The following LPAR1 variants were observed in gnomAD, a reference collection of about 807,000 sequenced individuals.
The protein encoded by LPAR1 is LPA receptor 1.
A neutral mutation model predicts 23.8 loss-of-function variants in LPAR1; 5 were observed. The ratio of observed to expected loss-of-function variants is 0.21; its 90% CI spans 0.11 to 0.44. The LOEUF (loss-of-function observed/expected upper bound fraction) is 0.44, where lower values mean the gene tolerates loss of function less well. LPAR1 is among the 20% of genes least tolerant of loss of function. LPAR1 has a pLI of 0.99. For synonymous variants in LPAR1, 160 were observed against 164.7 expected, an observed-to-expected ratio of 0.97 and a Z score of 0.22; for missense variants, 311 against 482.8, an observed-to-expected ratio of 0.64 and a Z score of 3.33.
chr9:110,970,477 G>A (rs2096381058), intron 4 of LPAR1, among the ~76,000 whole-genome samples: 2 of 152,100 alleles, frequency 1.3e-5, no homozygotes, highest in Non-Finnish European at 2.9e-5. Context: ...TGCGTATGAC[G>A]ATGGTAACAC....
rs534137307 is a variant in LPAR1 at position 110,874,118 on chromosome 9, A to G, written c.*1303T>C. The G allele has an allele frequency of 3.7e-4, 57 of 152,774 alleles. No individual in the cohort carries two copies. The highest frequency in any genetic ancestry group is 1.3e-3 in the African/African-American group (56 of 41,572). The allele number at this position is 152,774 out of a possible 1,614,324, so 9.5% of individuals were successfully genotyped here. On this transcript the variant is annotated 3_prime_UTR_variant, in exon 6 of 6. Coordinates refer to ENST00000683809, the MANE Select transcript of LPAR1 (RefSeq NM_001351411.2). ...AGATGACATTTCACATTTTTTTAAA[A>G]AAAGAATCCTTCATGGGAATATATC...
chr9:110,876,767 T>C (rs2079201932), intron 5 of LPAR1, among the ~76,000 whole-genome samples: 1 of 152,256 alleles, frequency 6.6e-6, no homozygotes, highest in Non-Finnish European at 1.5e-5. Flanking sequence ...ATTACAATTT[T>C]ACTATAACTG....
intron 5 of LPAR1, among the ~76,000 whole-genome samples, chr9:110,912,679 A>G (rs1270359256): frequency 6.6e-6 from 1 of 152,170 alleles, no homozygotes; most frequent in Non-Finnish European, 1.5e-5. Flanking sequence ...ATTGAAATAT[A>G]GCCATAAATT....
chr9:110,998,287 G>A (rs886250164), intron 2 of LPAR1, among the ~76,000 whole-genome samples: 16 of 152,152 alleles, frequency 1.1e-4, no homozygotes, highest in Admixed American at 1.0e-3. Context: ...ATTAGAAAAA[G>A]TTTTAAGTGC....
intron 3 of LPAR1, among the ~76,000 whole-genome samples, chr9:110,972,477 C>A (rs553232605): frequency 9.9e-5 from 15 of 152,242 alleles, no homozygotes; most frequent in Admixed American, 6.5e-4. Context: ...AAGACAGTTT[C>A]AAGTTGCAGA....
chr9:111,019,321 T>C (rs1588889404), intron 2 of LPAR1, among the ~76,000 whole-genome samples: 1 of 152,116 alleles, frequency 6.6e-6, no homozygotes, highest in Admixed American at 6.5e-5. Flanking sequence ...TAGAGATATA[T>C]TTTAAAAGAT....
At chr9:110,942,626 T>C (rs1423767890) in intron 4 of LPAR1, among the ~76,000 whole-genome samples, 1 of 152,240 alleles carries the variant, frequency 6.6e-6, no homozygotes, top group East Asian at 1.9e-4. Context: ...ACACAGTATG[T>C]TCCATGTGGG....
intron 1 of LPAR1, among the ~76,000 whole-genome samples, 176 bp from the exon 2 acceptor site, chr9:111,036,377 G>GAA (rs34393299): frequency 4.9e-5 from 6 of 122,188 alleles, no homozygotes; most frequent in South Asian, 2.6e-4. Flanking sequence ...TTGAGGAAAG[G>GAA]AAAAAAAAAA....
chr9:110,957,996 A>G (rs2095819772), intron 4 of LPAR1, among the ~76,000 whole-genome samples: 1 of 152,200 alleles, frequency 6.6e-6, no homozygotes, highest in South Asian at 2.1e-4. Context: ...ACAAAAATAA[A>G]ATAAAATACC....
intron 5 of LPAR1, among the ~76,000 whole-genome samples, chr9:110,923,337 G>A (rs1330060183): frequency 1.3e-5 from 2 of 152,104 alleles, no homozygotes; most frequent in Non-Finnish European, 2.9e-5. Context: ...TTGACTTTAT[G>A]ACAGTGTAAA....
At chr9:110,957,696 C>G (rs1426805353) in intron 4 of LPAR1, among the ~76,000 whole-genome samples, 1 of 152,156 alleles carries the variant, frequency 6.6e-6, no homozygotes, top group Non-Finnish European at 1.5e-5. Context: ...TGCCCACTTT[C>G]ACCACTCCTA....
intron 4 of LPAR1, among the ~76,000 whole-genome samples, chr9:110,962,786 T>C (rs922564113): frequency 6.6e-6 from 1 of 152,154 alleles, no homozygotes; most frequent in African/African-American, 2.4e-5. Flanking sequence ...TTAAGTGATG[T>C]TATGCAATTA....
intron 5 of LPAR1, among the ~76,000 whole-genome samples, chr9:110,925,361 T>C (rs1323055570): frequency 6.6e-6 from 1 of 152,086 alleles, no homozygotes; most frequent in East Asian, 1.9e-4. Context: ...AAACCACTTA[T>C]CATTGCTCCC....
At chr9:110,892,767 GGGAA>G (rs757546909) in intron 5 of LPAR1, among the ~76,000 whole-genome samples, 1,070 of 97,284 alleles carry the variant, frequency 0.011, 21 homozygotes, top group Non-Finnish European at 0.012. Flanking sequence ...AGGGGAGGAA[GGGAA>G]GGAAGGAAGG....
intron 4 of LPAR1, among the ~76,000 whole-genome samples, chr9:110,965,840 A>G (rs1054662843): frequency 6.6e-6 from 1 of 152,244 alleles, no homozygotes; most frequent in Non-Finnish European, 1.5e-5. Flanking sequence ...TTATTGTAGC[A>G]CTATATTTAC....
rs1326086748 is a variant in LPAR1 at position 111,005,505 on chromosome 9, A to AC, written c.-182+30616dup. Reference sequence around the variant, plus strand: ...GGAGGTTGCAGTATACTGTGATGGCACCACTGTACTCCAGCCTGAGCAACG... The same window carrying AC: ...GGAGGTTGCAGTATACTGTGATGGCACCCACTGTACTCCAGCCTGAGCAACG... On this transcript the variant is annotated intron_variant, in intron 2 of 5. Transcript: ENST00000683809. Among the ~76,000 whole-genome samples, 4 of 134,310 alleles carry AC rather than the reference A, an allele frequency of 3.0e-5. No homozygotes were observed. In the Admixed American group the frequency reaches 3.5e-4, roughly 12 times the overall value. 88.1% of individuals were successfully genotyped at this position (134,310 alleles called of 152,430 possible).
chr9:110,878,379 T>C (rs961572302), intron 5 of LPAR1, among the ~76,000 whole-genome samples: 2 of 152,146 alleles, frequency 1.3e-5, no homozygotes, highest in African/African-American at 4.8e-5. Context: ...TTGTAAGGGA[T>C]GAGGTTCCTA....
In LPAR1 at chr9:110,875,512, G is replaced by A. The variant is rs753749260; in HGVS notation, c.1004C>T (p.Thr335Ile). The A allele has an allele frequency of 6.2e-7, 1 of 1,614,118 alleles. No homozygotes were observed. Residue 335 changes from threonine to isoleucine, a missense_variant, in exon 6 of 6, where the codon ACC becomes ATC. Transcript: ENST00000683809. Reference sequence around the variant, plus strand: ...GCGGTCTGAGCCTTCTGTGGGGCCGGTGGGGTTCTCACTGCGCTGGCAGCA... The same window carrying A: ...GCGGTCTGAGCCTTCTGTGGGGCCGATGGGGTTCTCACTGCGCTGGCAGCA... ...ILCCQRSENP[T>I]GPTEGSDRSA...
At chr9:110,968,613 A>T (rs1466742713) in intron 4 of LPAR1, among the ~76,000 whole-genome samples, 2 of 152,184 alleles carry the variant, frequency 1.3e-5, no homozygotes, top group East Asian at 3.8e-4. Context: ...CAGAGCACCC[A>T]TACTTCCTGT....
Sources: allele counts gnomAD v4.1 joint callset (sites outside exome capture counted in the v4.1 genomes callset), GRCh38; gene constraint gnomAD v4.1.1; transcripts MANE v1.5; gene names NCBI Gene and HGNC (gene_info 2026-07-23, HGNC 2026-07-21).